The following EDA variants were observed in gnomAD, a reference collection of about 807,000 sequenced individuals.
The protein encoded by EDA is ectodysplasin A, also known as ectodysplasin-A.
EDA carries 2 observed loss-of-function variants against 23.6 expected under a neutral mutation model. The ratio of observed to expected loss-of-function variants is 0.08; its 90% confidence interval spans 0.03 to 0.27. EDA has a LOEUF of 0.27. Ranked by LOEUF, EDA falls within the 10% of genes least tolerant of loss-of-function variation. The probability of loss-of-function intolerance (pLI) is 1.00; values close to 1 mark genes in which losing one functional copy is unlikely to be tolerated. For missense variants in EDA, 229 were observed against 324.2 expected (o/e 0.71, Z 2.26); for synonymous variants, 131 against 132.0 (o/e 0.99, Z 0.05).
chrX:69,728,167 C>T (rs1332051858), intron 1 of EDA, among the ~76,000 whole-genome samples: 3 of 107,298 alleles, frequency 2.8e-5, no homozygotes, highest in African/African-American at 1.0e-4. Context: ...ATCACTTGAA[C>T]AAGGAGGCGG....
intron 1 of EDA, among the ~76,000 whole-genome samples, chrX:69,885,771 G>A (rs746552662): frequency 2.7e-4 from 30 of 111,553 alleles, no homozygotes; most frequent in East Asian, 2.8e-4. Context: ...CTCCAGACCC[G>A]GAAACAGCCC....
chrX:69,954,053 A>T lies in EDA; in HGVS notation c.397-2974A>T, dbSNP rs766130802. On this transcript the variant is annotated intron_variant, in intron 1 of 7. Coordinates refer to ENST00000374552, the MANE Select transcript of EDA (RefSeq NM_001399.5). ...TTATTGCATCTAAATTATATATCAAATTTTTATAAAGTACAAAAATTTCAA... is the reference window on the plus strand; with the variant it reads ...TTATTGCATCTAAATTATATATCAATTTTTTATAAAGTACAAAAATTTCAA... 5.4e-5 allele frequency among the ~76,000 whole-genome samples: 6 copies of T among 111,515 alleles called. No homozygotes were observed. The South Asian group carries it at 1.1e-3, about 21-fold the overall frequency.
intron 1 of EDA, among the ~76,000 whole-genome samples, chrX:69,756,095 T>C (rs1292576695): frequency 8.9e-6 from 1 of 111,987 alleles, no homozygotes; most frequent in Non-Finnish European, 1.9e-5. Flanking sequence ...GGTACCTCAG[T>C]TGGAAATGCA....
chrX:69,966,645 T>G (rs1420134076), intron 2 of EDA, among the ~76,000 whole-genome samples: 1 of 110,445 alleles, frequency 9.1e-6, no homozygotes, highest in Non-Finnish European at 1.9e-5. Flanking sequence ...TATCACTGTT[T>G]TGTTGCCAAA....
chrX:69,641,971 A>G (rs1932844626), intron 1 of EDA, among the ~76,000 whole-genome samples: 2 of 112,280 alleles, frequency 1.8e-5, no homozygotes, highest in Middle Eastern at 4.2e-3. Context: ...GGTTATGAGA[A>G]TAAAATACTT....
At chrX:69,866,500 G>A (rs1056164293) in intron 1 of EDA, among the ~76,000 whole-genome samples, 2 of 111,328 alleles carry the variant, frequency 1.8e-5, no homozygotes, top group Non-Finnish European at 3.8e-5. Context: ...CCAGCAGAAC[G>A]TAATGTTGCG....
At chrX:69,740,961 T>A (rs1182627776) in intron 1 of EDA, among the ~76,000 whole-genome samples, 1 of 109,930 alleles carries the variant, frequency 9.1e-6, no homozygotes, top group Admixed American at 9.8e-5. Flanking sequence ...TTAGTTATTA[T>A]ACTTTTCAAC....
At chrX:69,982,560 A>C (rs780576251) in intron 2 of EDA, among the ~76,000 whole-genome samples, 1 of 111,920 alleles carries the variant, frequency 8.9e-6, no homozygotes, top group Non-Finnish European at 1.9e-5. Flanking sequence ...CTACTGTCAG[A>C]AATCCTGTTA....
chrX:69,634,615 G>A (rs1247872967), intron 1 of EDA, among the ~76,000 whole-genome samples: 2 of 111,118 alleles, frequency 1.8e-5, no homozygotes, highest in Non-Finnish European at 3.8e-5. Flanking sequence ...TACCATGCCC[G>A]GCCTCCTTAT....
intron 1 of EDA, among the ~76,000 whole-genome samples, chrX:69,948,159 A>G (rs188423183): frequency 8.9e-6 from 1 of 112,451 alleles, no homozygotes; most frequent in East Asian, 2.8e-4. Flanking sequence ...GGGATCTAAG[A>G]AAAGCCAGAG....
intron 1 of EDA, among the ~76,000 whole-genome samples, chrX:69,805,027 A>G (rs1417616922): frequency 1.8e-5 from 2 of 111,669 alleles, no homozygotes; most frequent in Non-Finnish European, 3.8e-5. Flanking sequence ...ACTAAAACCT[A>G]GCTTTGTATT....
At chrX:69,953,040 A>C (rs191443479) in intron 1 of EDA, among the ~76,000 whole-genome samples, 3 of 111,947 alleles carry the variant, frequency 2.7e-5, no homozygotes, top group Non-Finnish European at 5.6e-5. Context: ...TGATAGATTC[A>C]CCAATCTAGA....
At chrX:69,788,810 T>G (rs1432368132) in intron 1 of EDA, among the ~76,000 whole-genome samples, 2 of 113,330 alleles carry the variant, frequency 1.8e-5, no homozygotes, top group African/African-American at 6.4e-5. Flanking sequence ...TGAGCTGTGG[T>G]GGGCTCCACC....
intron 1 of EDA, among the ~76,000 whole-genome samples, chrX:69,793,377 T>TTG (rs1556004910): frequency 6.8e-3 from 2 of 296 alleles, no homozygotes; most frequent in Admixed American, 0.083. Context: ...AATAGTAGGG[T>TTG]TTTTTTTTTT....
chrX:69,683,220 G>A (rs761379282), intron 1 of EDA, among the ~76,000 whole-genome samples: 21 of 111,262 alleles, frequency 1.9e-4, no homozygotes, highest in African/African-American at 6.9e-4. Flanking sequence ...TATTCTTATT[G>A]TCTCTTTCTC....
intron 1 of EDA, among the ~76,000 whole-genome samples, chrX:69,867,068 C>G (rs1340281762): frequency 1.8e-5 from 2 of 111,896 alleles, no homozygotes; most frequent in African/African-American, 6.5e-5. Context: ...AGCTGATCAC[C>G]CCAAAGAATG....
intron 1 of EDA, among the ~76,000 whole-genome samples, chrX:69,848,561 C>T (rs949413288): frequency 5.4e-5 from 6 of 111,658 alleles, no homozygotes; most frequent in African/African-American, 2.0e-4. Context: ...TTTACTGTCC[C>T]CCATACAATC....
chrX:69,854,340 C>T (rs775524691), intron 1 of EDA, among the ~76,000 whole-genome samples: 8 of 110,916 alleles, frequency 7.2e-5, no homozygotes, highest in Non-Finnish European at 1.3e-4. Flanking sequence ...ATTATAGGCA[C>T]CTGCCACCAT....
At chrX:69,709,003 T>C (rs1764573817) in intron 1 of EDA, among the ~76,000 whole-genome samples, 1 of 111,405 alleles carries the variant, frequency 9.0e-6, no homozygotes, top group African/African-American at 3.3e-5. Context: ...GTCTAGAATG[T>C]GTTCTTGGTG....
Sources: gnomAD v4.1 joint callset for allele counts (sites outside exome capture counted in the v4.1 genomes callset) on GRCh38, gnomAD v4.1.1 for gene constraint, MANE v1.5 for transcripts, NCBI Gene and HGNC (gene_info 2026-07-23, HGNC 2026-07-21) for gene names.